The following HPGD variants were observed in gnomAD, a reference collection of about 807,000 sequenced individuals.
HPGD encodes 15-hydroxyprostaglandin dehydrogenase.
HPGD carries 29 observed loss-of-function variants against 30.0 expected under a neutral mutation model. The ratio of observed to expected loss-of-function variants is 0.97; its 90% CI spans 0.72 to 1.32. The LOEUF (loss-of-function observed/expected upper bound fraction) is 1.32. HPGD is among the 40% of genes most tolerant of loss of function. The pLI is 0.00. For missense variants in HPGD, 340 were observed against 322.1 expected (o/e 1.06, Z -0.43); for synonymous variants, 99 against 112.4 (o/e 0.88, Z 0.75).
At chr4:174,497,568 C>CCTTTTT in intron 4 of HPGD, among the ~76,000 whole-genome samples, 1 of 51,114 alleles carries the variant, frequency 2.0e-5, no homozygotes, top group Non-Finnish European at 4.1e-5. Context: ...CTTTTTCTTT[C>CCTTTTT]TTTTTTTTTT....
chr4:174,504,468 T>C (rs17060557), intron 4 of HPGD, among the ~76,000 whole-genome samples: 9,343 of 152,124 alleles, frequency 0.061, 451 homozygotes, highest in African/African-American at 0.13. Flanking sequence ...GTAGCAGGGT[T>C]GGTAGGTAGG....
rs1467805897 is a variant in HPGD, at chr4:174,491,741, A to T, written c.*215T>A. 7 of 525,956 alleles carry T rather than the reference A, an allele frequency of 1.3e-5. No homozygotes were observed. The highest frequency in any genetic ancestry group is 3.3e-5 in the Admixed American group (1 of 30,708). The allele number at this position is 525,956 out of a possible 1,614,324, so 32.6% of individuals were successfully genotyped here. On this transcript the variant is annotated 3_prime_UTR_variant, in exon 7 of 7. Transcript: ENST00000296522. ...TTTGATCATTTTTTAGACTATCAAG[A>T]TTACAACCTAGCCTTTGGTCCACAT...
rs1735264125 is a variant in HPGD, at chr4:174,507,855, T to C, written c.421+841A>G. Reference sequence around the variant, plus strand: ...ATACTACTCTGAAAATACTATAGTTTAGGATTGCATGCTGTGGAAAAGATG... The same window carrying C: ...ATACTACTCTGAAAATACTATAGTTCAGGATTGCATGCTGTGGAAAAGATG... On this transcript the variant is annotated intron_variant, in intron 4 of 6. Transcript: ENST00000296522. The C allele has an allele frequency of 9.2e-6, 4 of 435,836 alleles. No individual in the cohort carries two copies. In the Admixed American group the frequency reaches 1.1e-4, roughly 11 times the overall value. The allele number at this position is 435,836 out of a possible 1,614,324, so 27.0% of individuals were successfully genotyped here.
chr4:174,522,387 G>A lies in HPGD; in HGVS notation c.65C>T (p.Ala22Val), dbSNP rs1422081002. Reference sequence around the variant, plus strand: ...GGCGCCCTTAAGCAGCAGCGCCTCTGCAAAGGCTCTGCCTATGCCCTGAGC... The same window carrying A: ...GGCGCCCTTAAGCAGCAGCGCCTCTACAAAGGCTCTGCCTATGCCCTGAGC... ...GAAQGIGRAF[A>V]EALLLKGAKV... is the part of the protein sequence containing the mutation. The change falls in exon 1 of 7, where the codon GCA (alanine) becomes GTA (valine). Residue 22 changes from alanine (A) to valine (V), a missense_variant. Ala to Val is a moderately conservative substitution (Grantham distance 64). Coordinates refer to ENST00000296522, the MANE Select transcript of HPGD (RefSeq NM_000860.6). 6.3e-7 allele frequency: 1 copy of A among 1,577,046 alleles called. No individual in the cohort carries two copies. The highest frequency in any genetic ancestry group is 8.6e-7 in the Non-Finnish European group (1 of 1,161,788).
In HPGD at chr4:174,490,734, C is replaced by T. The variant is rs1468601584; in HGVS notation, c.*1222G>A. ...TCCAGTACTTCTAGGAAATCCATAT[C>T]AATCTCACATGGAAAGATTTGGCTT... On this transcript the variant is annotated 3_prime_UTR_variant, in exon 7 of 7. Coordinates refer to ENST00000296522, the MANE Select transcript of HPGD (RefSeq NM_000860.6). The surrounding 1 kb of genome is among the most constrained non-coding windows in gnomAD (Gnocchi z 4.4). The T allele has an allele frequency of 6.6e-6, 1 of 152,294 alleles. No homozygotes were observed. The highest frequency in any genetic ancestry group is 1.9e-4 in the East Asian group (1 of 5,338). The allele number at this position is 152,294 out of a possible 1,614,324, so 9.4% of individuals were successfully genotyped here. A position where few individuals can be genotyped will look rare whatever the true frequency, so the allele number is the denominator to read the frequency against.
upstream of HPGD, chr4:174,522,762 T>G: frequency 3.3e-6 from 1 of 302,108 alleles, no homozygotes; most frequent in Non-Finnish European, 6.0e-6. Context: ...AGGTTATTTC[T>G]GAAGAAGAGT....
intron 2 of HPGD, among the ~76,000 whole-genome samples, chr4:174,520,510 A>G (rs986853377): frequency 6.6e-6 from 1 of 152,226 alleles, no homozygotes; most frequent in African/African-American, 2.4e-5. Context: ...GCTCATGTCC[A>G]GACAACATGT....
Position 174,490,633 on chromosome 4 carries a change from T to C in HPGD, c.*1323A>G, listed in dbSNP as rs1457734307. 6.6e-6 allele frequency: 1 copy of C among 152,348 alleles called. No individual in the cohort carries two copies. The highest frequency in any genetic ancestry group is 1.5e-5 in the Non-Finnish European group (1 of 68,014). The allele number at this position is 152,348 out of a possible 1,614,324, so 9.4% of individuals were successfully genotyped here. A position where few individuals can be genotyped will look rare whatever the true frequency, so the allele number is the denominator to read the frequency against. On this transcript the variant is annotated 3_prime_UTR_variant, in exon 7 of 7. Transcript: ENST00000296522. The surrounding 1 kb of genome is among the most constrained non-coding windows in gnomAD (Gnocchi z 4.4). The stretch of plus-strand genomic sequence containing the variant: ...TGAAAATCTAGACCAGAGTTATTAA[T>C]ATTCAAATTACTCCTTAAAAGTGAA...
intron 4 of HPGD, among the ~76,000 whole-genome samples, chr4:174,505,669 G>C (rs1735150590): frequency 6.6e-6 from 1 of 152,148 alleles, no homozygotes; most frequent in Non-Finnish European, 1.5e-5. Flanking sequence ...GTGAGTTGAA[G>C]GCATGTTAGT....
chr4:174,519,848 C>T (rs1464382556), intron 2 of HPGD, among the ~76,000 whole-genome samples: 1 of 152,202 alleles, frequency 6.6e-6, no homozygotes, highest in Non-Finnish European at 1.5e-5. Context: ...CACACAAAGC[C>T]TGTTTGGTGG....
chr4:174,517,511 A>T (rs1013789740), intron 3 of HPGD, among the ~76,000 whole-genome samples: 3 of 152,240 alleles, frequency 2.0e-5, no homozygotes, highest in African/African-American at 7.2e-5. Flanking sequence ...TTGCCCCTGT[A>T]GCATGAAAAT....
At chr4:174,522,332 AT>A (rs763597024) in intron 1 of HPGD, 26 bp downstream of exon 1, 2 of 1,547,294 alleles carry the variant, frequency 1.3e-6, no homozygotes, top group South Asian at 2.4e-5. Context: ...GGGCAGAGAA[AT>A]TTCCGCGGCT....
intron 2 of HPGD, among the ~76,000 whole-genome samples, chr4:174,519,492 A>G (rs1044129255): frequency 2.6e-5 from 4 of 152,154 alleles, no homozygotes; most frequent in Non-Finnish European, 5.9e-5. Flanking sequence ...GCACATATAC[A>G]TCCACATGGC....
At chr4:174,518,820 T>C (rs1735926072) in intron 2 of HPGD, among the ~76,000 whole-genome samples, 1 of 152,210 alleles carries the variant, frequency 6.6e-6, no homozygotes, top group Admixed American at 6.5e-5. Context: ...CACATGTCTA[T>C]TGTTTCTCAA....
intron 5 of HPGD, 144 bp from the exon 6 acceptor site, chr4:174,493,458 A>G: frequency 1.4e-6 from 1 of 717,108 alleles, no homozygotes; most frequent in Middle Eastern, 2.7e-4. Flanking sequence ...ACTGGTAAAT[A>G]GATAGTAAAA....
chr4:174,491,732 A>C lies in HPGD; in HGVS notation c.*224T>G, dbSNP rs1734352269. 1 of 495,728 alleles carries C rather than the reference A, an allele frequency of 2.0e-6. No individual in the cohort carries two copies. The highest frequency in any genetic ancestry group is 3.6e-6 in the Non-Finnish European group (1 of 275,602). 30.7% of individuals were successfully genotyped at this position (495,728 alleles called of 1,614,324 possible). A position where few individuals can be genotyped will look rare whatever the true frequency, so the allele number is the denominator to read the frequency against. ...ATCATTTGTTTTGATCATTTTTTAG[A>C]CTATCAAGATTACAACCTAGCCTTT... On this transcript the variant is annotated 3_prime_UTR_variant, in exon 7 of 7. Transcript: ENST00000296522.
chr4:174,498,539 T>A (rs1177867413), intron 4 of HPGD, among the ~76,000 whole-genome samples: 1 of 152,164 alleles, frequency 6.6e-6, no homozygotes, highest in African/African-American at 2.4e-5. Context: ...CTGATCTGCT[T>A]TGTGTTACTA....
chr4:174,493,666 A>AT (rs1202716246), intron 5 of HPGD, among the ~76,000 whole-genome samples: 4 of 152,216 alleles, frequency 2.6e-5, no homozygotes, highest in African/African-American at 9.6e-5. Flanking sequence ...TGGTGGTTGT[A>AT]TAACAAATAA....
intron 4 of HPGD, among the ~76,000 whole-genome samples, chr4:174,506,049 G>C (rs569621607): frequency 6.6e-6 from 1 of 152,298 alleles, no homozygotes; most frequent in South Asian, 2.1e-4. Flanking sequence ...ACACATGATT[G>C]CAAATGTTGT....
Sources: gnomAD v4.1 joint callset for allele counts (sites outside exome capture counted in the v4.1 genomes callset) on GRCh38, gnomAD v4.1.1 for gene constraint, Gnocchi (gnomAD v3.1) non-coding constraint, MANE v1.5 for transcripts, NCBI Gene and HGNC (gene_info 2026-07-23, HGNC 2026-07-21) for gene names.